PLOD2: variants seen among roughly 807,000 people sequenced by gnomAD.
PLOD2 encodes the protein procollagen-lysine,2-oxoglutarate 5-dioxygenase 2, also known as lysine hydroxylase 2.
A neutral mutation model predicts 101.0 loss-of-function variants in PLOD2; 65 were observed. The ratio of observed to expected loss-of-function variants is 0.64; its 90% CI spans 0.53 to 0.79. The LOEUF (loss-of-function observed/expected upper bound fraction) is 0.79, where lower values mean the gene tolerates loss of function less well. Among genes scored for constraint, PLOD2 ranks in the 30% least tolerant of loss-of-function variants. PLOD2 has a pLI of 0.00. For missense variants in PLOD2, 909 were observed against 914.6 expected, an observed-to-expected ratio of 0.99 and a Z score of 0.08; for synonymous variants, 314 against 302.9, an observed-to-expected ratio of 1.04 and a Z score of -0.38.
chr3:146,085,356 T>C (rs1449569280), intron 10 of PLOD2, 83 bp from the exon 11 acceptor site: 1 of 732,684 alleles, frequency 1.4e-6, no homozygotes, highest in East Asian at 2.7e-5. Context: ...TATATTCTTT[T>C]ATGTAAAATA....
chr3:146,131,801 G>A (rs752032448), intron 1 of PLOD2, among the ~76,000 whole-genome samples: 4 of 152,060 alleles, frequency 2.6e-5, no homozygotes, highest in Admixed American at 1.3e-4. Flanking sequence ...AAACTATGAC[G>A]AACTGAAGGC....
intron 5 of PLOD2, among the ~76,000 whole-genome samples, chr3:146,105,679 T>C (rs568155772): frequency 1.1e-4 from 17 of 152,330 alleles, no homozygotes; most frequent in African/African-American, 4.1e-4. Context: ...GTTATCATCA[T>C]ATGAAACAGA....
intron 16 of PLOD2, 61 bp downstream of exon 16, chr3:146,073,226 T>A (rs540655267): frequency 1.5e-6 from 1 of 670,772 alleles, no homozygotes; most frequent in African/African-American, 1.8e-5. Flanking sequence ...GTAGTATTAA[T>A]AATATTTCTT....
Position 146,070,777 on chromosome 3 carries a change from A to T in PLOD2, c.2217T>A (p.His739Gln). ...FMHPGRLTHL[H>Q]EGLPVKNGTR... ...TTCCATTTTTAACAGGAAGTCCTTC[A>T]TGCAAATGTGTGAGTCTCCCAGGAT... is the stretch of plus-strand genomic sequence containing the variant. Residue 739 changes from histidine (H) to glutamine (Q), a missense_variant, in exon 20 of 20, where the codon CAT becomes CAA. By Grantham distance (24) the His-to-Gln change is conservative. Transcript: ENST00000282903. 1.2e-6 allele frequency: 2 copies of T among 1,609,804 alleles called. No individual in the cohort carries two copies. Among genetic ancestry groups the T allele is most frequent in the Non-Finnish European group, 1.7e-6 (2 of 1,176,790 alleles).
intron 8 of PLOD2, among the ~76,000 whole-genome samples, chr3:146,091,325 T>C (rs539665872): frequency 3.3e-5 from 5 of 152,046 alleles, no homozygotes; most frequent in African/African-American, 1.2e-4. Context: ...ACTGAGTCAA[T>C]TGTACTACCT....
chr3:146,100,797 T>C (rs985412947), intron 7 of PLOD2, among the ~76,000 whole-genome samples: 1 of 152,134 alleles, frequency 6.6e-6, no homozygotes, highest in African/African-American at 2.4e-5. Flanking sequence ...TAAAGAGCCT[T>C]GTATGACAAG....
intron 8 of PLOD2, among the ~76,000 whole-genome samples, chr3:146,090,596 C>G (rs534594068): frequency 5.3e-5 from 8 of 151,764 alleles, no homozygotes; most frequent in Non-Finnish European, 1.0e-4. Context: ...CAGAAATATT[C>G]TGGCATTCTT....
chr3:146,094,249 T>C (rs1207579501), intron 7 of PLOD2, among the ~76,000 whole-genome samples: 1 of 152,236 alleles, frequency 6.6e-6, no homozygotes, highest in Non-Finnish European at 1.5e-5. Context: ...TTAAAAATCA[T>C]ATCCAATTAT....
chr3:146,126,927 G>C (rs1306124434), intron 1 of PLOD2, among the ~76,000 whole-genome samples: 2 of 152,088 alleles, frequency 1.3e-5, no homozygotes, highest in Non-Finnish European at 1.5e-5. Context: ...GGGGTAGATA[G>C]ATTAAAACAA....
At chr3:146,086,349 A>G (rs1936765572) in intron 10 of PLOD2, 1 of 152,828 alleles carries the variant, frequency 6.5e-6, no homozygotes, top group Admixed American at 6.5e-5. Flanking sequence ...AAGGCCTACA[A>G]TGCCCGTTTC....
intron 2 of PLOD2, 122 bp from the exon 3 acceptor site, chr3:146,121,370 T>G: frequency 1.2e-6 from 1 of 821,150 alleles, no homozygotes; most frequent in East Asian, 2.5e-5. Flanking sequence ...TAATGTTTCA[T>G]GGAATCATGA....
At chr3:146,134,877 T>C (rs2031138455) in intron 1 of PLOD2, among the ~76,000 whole-genome samples, 1 of 152,168 alleles carries the variant, frequency 6.6e-6, no homozygotes, top group African/African-American at 2.4e-5. Context: ...TTATTCTTCA[T>C]AACGGAAAAT....
In PLOD2 at chr3:146,119,236, C is replaced by T. The variant is rs991296077; in HGVS notation, c.338+1876G>A. ...GCTCCAATCATGTGAGACCTTCATT[C>T]CTCCTTTGCCTTCTGCCATGATCCT... On this transcript the variant is annotated intron_variant, in intron 3 of 19. Transcript: ENST00000282903. Among the ~76,000 whole-genome samples, 34 of 152,210 alleles carry T rather than the reference C, an allele frequency of 2.2e-4. No individual in the cohort carries two copies. The Middle Eastern group carries it at 0.014, about 61-fold the overall frequency.
intron 1 of PLOD2, among the ~76,000 whole-genome samples, chr3:146,151,476 A>T (rs984964908): frequency 6.6e-6 from 1 of 152,026 alleles, no homozygotes; most frequent in Non-Finnish European, 1.5e-5. Context: ...CAGCCTGGAC[A>T]AGAAGAACGA....
At chr3:146,132,089 A>C (rs1244213513) in intron 1 of PLOD2, among the ~76,000 whole-genome samples, 1 of 152,180 alleles carries the variant, frequency 6.6e-6, no homozygotes, top group Non-Finnish European at 1.5e-5. Flanking sequence ...TTTCACATGG[A>C]TGCCTGGGCT....
chr3:146,082,615 C>T (rs748155965), intron 11 of PLOD2, among the ~76,000 whole-genome samples: 2 of 152,042 alleles, frequency 1.3e-5, no homozygotes, highest in African/African-American at 2.4e-5. Context: ...ACATCGGGCC[C>T]GGCGCAGTGG....
chr3:146,142,135 A>G (rs1194891132), intron 1 of PLOD2, among the ~76,000 whole-genome samples: 3 of 152,112 alleles, frequency 2.0e-5, no homozygotes, highest in Non-Finnish European at 4.4e-5. Flanking sequence ...AAAAGATGAG[A>G]AAAGTATTTA....
chr3:146,078,606 T>C (rs1426397689), intron 13 of PLOD2, among the ~76,000 whole-genome samples: 1 of 150,986 alleles, frequency 6.6e-6, no homozygotes, highest in Admixed American at 6.6e-5. Flanking sequence ...AAATACACTA[T>C]GTATCTCAAC....
At chr3:146,124,346 A>G (rs960018839) in intron 1 of PLOD2, 117 bp from the exon 2 acceptor site, 5 of 659,452 alleles carry the variant, frequency 7.6e-6, no homozygotes, top group African/African-American at 5.4e-5. Flanking sequence ...TGGTTTACTT[A>G]TCTACACAAG....
Sources: allele counts gnomAD v4.1 joint callset (sites outside exome capture counted in the v4.1 genomes callset), GRCh38; gene constraint gnomAD v4.1.1; transcripts MANE v1.5; gene names NCBI Gene and HGNC (gene_info 2026-07-23, HGNC 2026-07-21).